BRD10: variants seen among roughly 807,000 people sequenced by gnomAD.
BRD10 encodes the protein bromodomain containing 10, also known as uncharacterized bromodomain-containing protein 10.
At chr9:5,944,462 G>A in the BRD10 span, among the ~76,000 whole-genome samples, 1 of 152,008 alleles carries the variant, frequency 6.6e-6, no homozygotes, top group Non-Finnish European at 1.5e-5. Flanking sequence ...ATCCGGGGCA[G>A]TATTAAACAA....
the BRD10 span, among the ~76,000 whole-genome samples, chr9:5,905,651 C>A: frequency 6.6e-6 from 1 of 152,356 alleles, no homozygotes; most frequent in Admixed American, 6.5e-5. Flanking sequence ...ACTCTTTCAA[C>A]CAGCTGCTAA....
At chr9:6,004,894 C>G in the BRD10 span, among the ~76,000 whole-genome samples, 1 of 152,168 alleles carries the variant, frequency 6.6e-6, no homozygotes, top group Non-Finnish European at 1.5e-5. Flanking sequence ...CTAGTATCCA[C>G]AAGTGTGGTC....
the BRD10 span, among the ~76,000 whole-genome samples, chr9:5,942,427 AC>A: frequency 2.0e-5 from 3 of 152,204 alleles, no homozygotes; most frequent in African/African-American, 7.2e-5. Flanking sequence ...ACATAACGTA[AC>A]ATAACATAAC....
chr9:5,919,898 C>G, the BRD10 span: 3 of 1,613,946 alleles, frequency 1.9e-6, no homozygotes, highest in South Asian at 1.1e-5. Flanking sequence ...CACTGAAGTG[C>G]TACTTGGCAG....
chr9:5,890,206 T>C, the BRD10 span, among the ~76,000 whole-genome samples: 4 of 152,212 alleles, frequency 2.6e-5, no homozygotes, highest in African/African-American at 9.6e-5. Flanking sequence ...GTGTGAGATA[T>C]GCCTCCCTCA....
At chr9:5,968,209 T>C in the BRD10 span, 2 of 1,612,996 alleles carry the variant, frequency 1.2e-6, no homozygotes, top group Non-Finnish European at 1.7e-6. Context: ...TTAGTTTGAG[T>C]TTCTTGTGGC....
At chr9:5,922,619 G>A in the BRD10 span, 1 of 1,613,918 alleles carries the variant, frequency 6.2e-7, no homozygotes, top group East Asian at 2.2e-5. Context: ...CTGTTGAAGT[G>A]GTGGCACTTC....
chr9:5,925,066 T>C, the BRD10 span, among the ~76,000 whole-genome samples: 2 of 151,922 alleles, frequency 1.3e-5, no homozygotes, highest in Non-Finnish European at 2.9e-5. Context: ...CTTAAAAAAT[T>C]ATATGTATCT....
chr9:5,979,739 G>A, the BRD10 span, among the ~76,000 whole-genome samples: 12 of 151,734 alleles, frequency 7.9e-5, no homozygotes, highest in South Asian at 2.1e-4. Context: ...TAAAATAGCC[G>A]GTATGGTGGC....
At chr9:5,973,861 A>G in the BRD10 span, among the ~76,000 whole-genome samples, 20 of 152,220 alleles carry the variant, frequency 1.3e-4, no homozygotes, top group African/African-American at 1.7e-4. Context: ...TAGCCTGGGC[A>G]ACAGAGCAAG....
the BRD10 span, among the ~76,000 whole-genome samples, chr9:5,900,768 C>A: frequency 5.1e-4 from 77 of 152,328 alleles, no homozygotes; most frequent in African/African-American, 1.8e-3. Flanking sequence ...TTTGTAGCAA[C>A]AGGAAGTGGG....
chr9:6,006,781 T>G, the BRD10 span, among the ~76,000 whole-genome samples: 3 of 152,232 alleles, frequency 2.0e-5, no homozygotes, highest in African/African-American at 7.2e-5. Context: ...CCTTTTTACA[T>G]AAGCCAAAAT....
the BRD10 span, chr9:5,954,133 T>C: frequency 2.2e-5 from 25 of 1,131,182 alleles, no homozygotes; most frequent in South Asian, 3.4e-4. Context: ...ATAATGCTGT[T>C]TATAGCACTT....
chr9:5,933,654 T>C, the BRD10 span: 3 of 393,176 alleles, frequency 7.6e-6, no homozygotes, highest in East Asian at 2.2e-4. Context: ...TAAGGAATCA[T>C]AAAGGAAAAT....
chr9:5,924,793 T>C, the BRD10 span: 8 of 1,572,978 alleles, frequency 5.1e-6, no homozygotes, highest in African/African-American at 5.4e-5. Flanking sequence ...CTATTAAATG[T>C]ATCATGATCA....
chr9:5,963,792 C>T, the BRD10 span, among the ~76,000 whole-genome samples: 1 of 152,004 alleles, frequency 6.6e-6, no homozygotes, highest in Admixed American at 6.5e-5. Flanking sequence ...CTGAGAAAAA[C>T]AAGCAATGGG....
At chr9:5,895,620 T>C in the BRD10 span, among the ~76,000 whole-genome samples, 2 of 152,226 alleles carry the variant, frequency 1.3e-5, no homozygotes, top group Non-Finnish European at 2.9e-5. Flanking sequence ...GTTCTCACAG[T>C]TGGGTGGACA....
the BRD10 span, chr9:5,928,901 G>C: frequency 6.3e-6 from 3 of 479,266 alleles, no homozygotes; most frequent in Non-Finnish European, 1.1e-5. Flanking sequence ...GGCTTAGAAA[G>C]AGCCTTGCAC....
chr9:5,965,844 G>A, the BRD10 span, among the ~76,000 whole-genome samples: 2 of 152,154 alleles, frequency 1.3e-5, no homozygotes, highest in South Asian at 4.1e-4. Flanking sequence ...AGGCCACAAC[G>A]TCTCACACCT....
Sources: gnomAD v4.1 joint callset for allele counts (sites outside exome capture counted in the v4.1 genomes callset) on GRCh38, gnomAD v4.1.1 for gene constraint, MANE v1.5 for transcripts, NCBI Gene and HGNC (gene_info 2026-07-23, HGNC 2026-07-21) for gene names.